ANKRD31: variants seen among roughly 807,000 people sequenced by gnomAD.
ANKRD31 encodes the protein ankyrin repeat domain-containing protein 31.
Under a neutral mutation model 186.0 loss-of-function variants are expected in ANKRD31, and 147 were observed. The ratio of observed to expected loss-of-function variants is 0.79; its 90% CI spans 0.69 to 0.91. The LOEUF (loss-of-function observed/expected upper bound fraction) is 0.91, where lower values mean the gene tolerates loss of function less well. ANKRD31 is among the 40% of genes least tolerant of loss of function. ANKRD31 has a pLI of 0.00. For synonymous variants in ANKRD31, 673 were observed against 736.4 expected, an observed-to-expected ratio of 0.91 and a Z score of 1.39; for missense variants, 1,986 against 2,148.8, an observed-to-expected ratio of 0.92 and a Z score of 1.50.
chr5:75,169,377 G>A (rs1753155046), intron 10 of ANKRD31, among the ~76,000 whole-genome samples: 1 of 152,122 alleles, frequency 6.6e-6, no homozygotes, highest in South Asian at 2.1e-4. Flanking sequence ...AAGTAATCTT[G>A]ACCTCTCCAA....
At chr5:75,085,150 G>C (rs1192925603) in intron 23 of ANKRD31, among the ~76,000 whole-genome samples, 5 of 152,066 alleles carry the variant, frequency 3.3e-5, no homozygotes, top group African/African-American at 1.2e-4. Flanking sequence ...TAGTTTCAAG[G>C]AATGATCCTC....
At chr5:75,160,851 A>G (rs1752526513) in intron 11 of ANKRD31, among the ~76,000 whole-genome samples, 1 of 152,114 alleles carries the variant, frequency 6.6e-6, no homozygotes, top group African/African-American at 2.4e-5. Flanking sequence ...AATAAGGGGA[A>G]ATCTATTTCT....
chr5:75,187,449 C>G (rs1362855259), intron 10 of ANKRD31, among the ~76,000 whole-genome samples: 1 of 151,138 alleles, frequency 6.6e-6, no homozygotes, highest in Non-Finnish European at 1.5e-5. Context: ...AATGTTAACA[C>G]TGGCACATTA....
At chr5:75,141,761 C>A (rs748469887) in intron 15 of ANKRD31, among the ~76,000 whole-genome samples, 2 of 151,980 alleles carry the variant, frequency 1.3e-5, no homozygotes, top group Admixed American at 1.3e-4. Context: ...TGTGATTGTG[C>A]CACTGCTCTG....
intron 10 of ANKRD31, among the ~76,000 whole-genome samples, chr5:75,185,769 AC>A (rs1754670272): frequency 6.6e-6 from 1 of 151,868 alleles, no homozygotes; most frequent in South Asian, 2.1e-4. Context: ...TATTAAAAAA[AC>A]ACATTGTTCC....
At chr5:75,132,013 C>T (rs1264303272) in intron 17 of ANKRD31, among the ~76,000 whole-genome samples, 2 of 152,224 alleles carry the variant, frequency 1.3e-5, no homozygotes, top group Non-Finnish European at 2.9e-5. Flanking sequence ...ATCTGCATGT[C>T]ACCATCATCA....
chr5:75,187,053 G>A (rs976452693), intron 10 of ANKRD31, among the ~76,000 whole-genome samples: 1 of 142,024 alleles, frequency 7.0e-6, no homozygotes, highest in Non-Finnish European at 1.5e-5. Context: ...GTGTGTGTGT[G>A]TTTTGGGAGG....
intron 20 of ANKRD31, among the ~76,000 whole-genome samples, chr5:75,109,132 G>C (rs973190921): frequency 6.6e-6 from 1 of 152,078 alleles, no homozygotes; most frequent in Non-Finnish European, 1.5e-5. Flanking sequence ...TCAACAAATA[G>C]GGATGAGTAA....
chr5:75,107,027 T>C (rs1422524452), intron 21 of ANKRD31, among the ~76,000 whole-genome samples: 2 of 151,806 alleles, frequency 1.3e-5, no homozygotes, highest in African/African-American at 2.4e-5. Flanking sequence ...AAAAAACATG[T>C]AACATTTTTT....
chr5:75,130,518 GT>G (rs1749701251), intron 17 of ANKRD31, among the ~76,000 whole-genome samples: 1 of 152,134 alleles, frequency 6.6e-6, no homozygotes, highest in Non-Finnish European at 1.5e-5. Flanking sequence ...TGACTGGTCC[GT>G]TTTGACAGAG....
At chr5:75,077,692 G>A (rs928835047) in intron 25 of ANKRD31, among the ~76,000 whole-genome samples, 3 of 151,984 alleles carry the variant, frequency 2.0e-5, no homozygotes, top group Non-Finnish European at 4.4e-5. Context: ...TTGGGAGGCC[G>A]AGGTGGGCAG....
At chr5:75,131,456 TG>T (rs1236205690) in intron 17 of ANKRD31, among the ~76,000 whole-genome samples, 3 of 152,216 alleles carry the variant, frequency 2.0e-5, no homozygotes, top group African/African-American at 7.2e-5. Flanking sequence ...GCAGCGAGGC[TG>T]GGGGAGGGGC....
chr5:75,222,690 G>C (rs1042836064), intron 2 of ANKRD31, among the ~76,000 whole-genome samples: 5 of 152,158 alleles, frequency 3.3e-5, no homozygotes, highest in Non-Finnish European at 7.3e-5. Flanking sequence ...TTATGAGTGA[G>C]AACATGCAGT....
At position 75,104,597 on chromosome 5, in the gene ANKRD31, A is replaced by G. The variant is rs1478913074; in HGVS notation, c.4962T>C (p.Asn1654=). ...ISETASVLAE[N]AAHPSNIICD... ...AAATAATATTTGATGGATGGGCAGCATTTTCGGCAAGGACACTTGCAGTTT... is the reference window on the plus strand; with the variant it reads ...AAATAATATTTGATGGATGGGCAGCGTTTTCGGCAAGGACACTTGCAGTTT... The change falls in exon 22 of 26, where the codon AAT becomes AAC. Residue 1654 remains asparagine, a synonymous_variant. Coordinates refer to ENST00000506364, the MANE Select transcript of ANKRD31 (RefSeq NM_001372053.1). 1.3e-6 allele frequency: 2 copies of G among 1,536,270 alleles called. No homozygotes were observed. Among genetic ancestry groups the G allele is most frequent in the Non-Finnish European group, 1.7e-6 (2 of 1,146,594 alleles).
chr5:75,097,008 C>T (rs1308723249), intron 22 of ANKRD31, among the ~76,000 whole-genome samples: 1 of 152,144 alleles, frequency 6.6e-6, no homozygotes, highest in Admixed American at 6.5e-5. Context: ...TTTATGGCTG[C>T]ATAGTATTCC....
chr5:75,151,444 T>C (rs1561481216), intron 12 of ANKRD31, among the ~76,000 whole-genome samples: 1 of 151,996 alleles, frequency 6.6e-6, no homozygotes, highest in Non-Finnish European at 1.5e-5. Flanking sequence ...GTTCTCCTGA[T>C]AGTGAATAAG....
In ANKRD31 at chr5:75,147,129, C is replaced by A; in HGVS notation, c.2282G>T (p.Arg761Ile). The change falls in exon 14 of 26, where the codon AGA (arginine) becomes ATA (isoleucine). Residue 761 changes from arginine (R) to isoleucine (I), a missense_variant. By Grantham distance (97) the Arg-to-Ile change is moderately conservative. Coordinates refer to ENST00000506364, the MANE Select transcript of ANKRD31 (RefSeq NM_001372053.1). Reference protein sequence around the residue: ...LAVSPSRRINRLVTYQQHIPE... With the variant: ...LAVSPSRRINILVTYQQHIPE... Reference sequence around the variant, plus strand: ...AATATGCTGCTGATAGGTAACCAATCTGTTTATTCTCCTGGAAGGAGAGAC... The same window carrying A: ...AATATGCTGCTGATAGGTAACCAATATGTTTATTCTCCTGGAAGGAGAGAC... 1 of 1,536,338 alleles carries A rather than the reference C, an allele frequency of 6.5e-7. No individual in the cohort carries two copies. The highest frequency in any genetic ancestry group is 8.7e-7 in the Non-Finnish European group (1 of 1,146,328).
intron 11 of ANKRD31, among the ~76,000 whole-genome samples, chr5:75,161,908 C>T (rs1752595976): frequency 6.6e-6 from 1 of 152,218 alleles, no homozygotes; most frequent in African/African-American, 2.4e-5. Context: ...GTTTGGGAAC[C>T]TCTGCCTAGA....
Position 75,091,384 on chromosome 5 carries a change from G to A in ANKRD31, c.5349C>T (p.Ala1783=), listed in dbSNP as rs1226380883. ...EFKTQETTHK[A]SILLNGKLKV... ...TAAGTTTACCATTCAATAAAATACT[G>A]GCTTTGTGGGTAGTCTCCTGAAGTG... Residue 1783 remains alanine, a synonymous_variant, in exon 23 of 26, where the codon GCC becomes GCT. Coordinates refer to ENST00000506364, the MANE Select transcript of ANKRD31 (RefSeq NM_001372053.1). 5 of 1,536,092 alleles carry A rather than the reference G, an allele frequency of 3.3e-6. No homozygotes were observed. The highest frequency in any genetic ancestry group is 4.4e-6 in the Non-Finnish European group (5 of 1,146,616).
Sources: allele counts gnomAD v4.1 joint callset (sites outside exome capture counted in the v4.1 genomes callset), GRCh38; gene constraint gnomAD v4.1.1; transcripts MANE v1.5; gene names NCBI Gene and HGNC (gene_info 2026-07-23, HGNC 2026-07-21).